RPH3A: variants seen among roughly 807,000 people sequenced by gnomAD.
The protein encoded by RPH3A is rabphilin 3A.
In RPH3A, 48 loss-of-function variants were observed where a neutral mutation model predicts 102.2. The ratio of observed to expected loss-of-function variants is 0.47; its 90% CI spans 0.37 to 0.60. The LOEUF (loss-of-function observed/expected upper bound fraction) is 0.60. Among genes scored for constraint, RPH3A ranks in the 20% least tolerant of loss-of-function variants. RPH3A has a pLI of 0.00. For synonymous variants in RPH3A, 310 were observed against 324.3 expected (o/e 0.96, Z 0.47); for missense variants, 781 against 910.1 (o/e 0.86, Z 1.83).
chr12:112,655,324 A>G (rs2040003322), intron 1 of RPH3A, among the ~76,000 whole-genome samples: 2 of 152,142 alleles, frequency 1.3e-5, no homozygotes, highest in Non-Finnish European at 2.9e-5. Context: ...CAGACGCACC[A>G]CTCACATTTT....
At chr12:112,828,170 G>A in intron 2 of RPH3A, 131 bp from the exon 3 acceptor site, 1 of 672,068 alleles carries the variant, frequency 1.5e-6, no homozygotes, top group Non-Finnish European at 2.6e-6. Flanking sequence ...TCCCCATCTG[G>A]AAAATGAAGA....
chr12:112,680,227 G>A (rs1412720106), intron 1 of RPH3A, among the ~76,000 whole-genome samples: 1 of 152,174 alleles, frequency 6.6e-6, no homozygotes, highest in African/African-American at 2.4e-5. Flanking sequence ...ATTTTTAATT[G>A]GAGAGTTTTA....
rs1016012362 is a variant in RPH3A, at chr12:112,894,618, A to T, written c.1816A>T (p.Thr606Ser). 1.9e-6 allele frequency: 3 copies of T among 1,613,868 alleles called. No homozygotes were observed. The highest frequency in any genetic ancestry group is 2.5e-6 in the Non-Finnish European group (3 of 1,179,974). ...PDMGKKAKHK[T>S]QIKKKTLNPE... ...CATGGGAAAGAAGGCCAAACACAAGACTCAAATTAAAAAGAAAACCTTGAA... is the reference window on the plus strand; with the variant it reads ...CATGGGAAAGAAGGCCAAACACAAGTCTCAAATTAAAAAGAAAACCTTGAA... The change falls in exon 20 of 22, where the codon ACT (threonine) becomes TCT (serine). Residue 606 changes from threonine to serine, a missense_variant. Around this residue, in one of 2 missense-constraint regions of RPH3A, gnomAD observed 730 missense variants for 810.0 expected, o/e 0.90. Transcript: ENST00000389385.
At chr12:112,817,583 C>T (rs900599864) in intron 2 of RPH3A, among the ~76,000 whole-genome samples, 5 of 151,528 alleles carry the variant, frequency 3.3e-5, no homozygotes, top group East Asian at 1.9e-4. Context: ...CCCCCGCACA[C>T]GCAGCCTTTT....
chr12:112,853,019 G>A (rs2042349583), intron 5 of RPH3A, among the ~76,000 whole-genome samples: 2 of 152,204 alleles, frequency 1.3e-5, no homozygotes, highest in Non-Finnish European at 2.9e-5. Flanking sequence ...TCCAGACGCC[G>A]TGATGGAGGA....
chr12:112,767,483 G>A (rs998224635), intron 1 of RPH3A, among the ~76,000 whole-genome samples: 4 of 152,218 alleles, frequency 2.6e-5, no homozygotes, highest in African/African-American at 4.8e-5. Context: ...ACACAGCTCT[G>A]CCTGACTCTG....
chr12:112,731,892 C>T (rs998753522), intron 1 of RPH3A, among the ~76,000 whole-genome samples: 2 of 152,130 alleles, frequency 1.3e-5, no homozygotes, highest in African/African-American at 2.4e-5. Flanking sequence ...GATGCCCCAC[C>T]TCCCCAAAAA....
chr12:112,646,430 G>A (rs1421539191), intron 1 of RPH3A, among the ~76,000 whole-genome samples: 1 of 152,038 alleles, frequency 6.6e-6, no homozygotes, highest in Non-Finnish European at 1.5e-5. Flanking sequence ...CTCTTTTTAA[G>A]AGCAAAAATA....
intron 6 of RPH3A, 118 bp from the exon 7 acceptor site, chr12:112,866,639 G>A (rs1294786054): frequency 2.6e-6 from 2 of 755,642 alleles, no homozygotes; most frequent in Non-Finnish European, 4.4e-6. Flanking sequence ...GAAGGAAGTG[G>A]GAGAAATGGA....
intron 5 of RPH3A, among the ~76,000 whole-genome samples, chr12:112,849,425 GTGTGTGTGTGCA>G (rs1295005791): frequency 7.0e-4 from 98 of 140,056 alleles, no homozygotes; most frequent in African/African-American, 3.2e-3. Flanking sequence ...GTGTGTGTGT[GTGTGTGTGTGCA>G]TGTGTGTGTA....
intron 1 of RPH3A, among the ~76,000 whole-genome samples, chr12:112,683,077 G>A (rs992146102): frequency 1.3e-5 from 2 of 152,158 alleles, no homozygotes; most frequent in African/African-American, 4.8e-5. Context: ...ACCACGAAGT[G>A]TATCTTATCT....
chr12:112,613,048 C>G (rs929026464), intron 1 of RPH3A, among the ~76,000 whole-genome samples: 6 of 152,178 alleles, frequency 3.9e-5, no homozygotes, highest in African/African-American at 1.4e-4. Flanking sequence ...TAGTTCTACA[C>G]TGGGTCTGTG....
chr12:112,776,799 G>A (rs1426419561), intron 1 of RPH3A, among the ~76,000 whole-genome samples: 2 of 148,296 alleles, frequency 1.3e-5, no homozygotes, highest in East Asian at 2.0e-4. Flanking sequence ...GTGTGAACCT[G>A]GGAGATGGAG....
At chr12:112,821,387 T>C (rs976701379) in intron 2 of RPH3A, among the ~76,000 whole-genome samples, 8 of 152,164 alleles carry the variant, frequency 5.3e-5, no homozygotes, top group African/African-American at 1.2e-4. Flanking sequence ...GAAGTTTACA[T>C]GGTCTTCATG....
At chr12:112,750,958 T>C (rs898294998) in intron 1 of RPH3A, among the ~76,000 whole-genome samples, 17 of 151,982 alleles carry the variant, frequency 1.1e-4, no homozygotes, top group Non-Finnish European at 1.5e-5. Flanking sequence ...TCGGGGACCA[T>C]CTTGAAACCA....
Position 112,783,057 on chromosome 12 carries a change from C to T in RPH3A, c.-139-9086C>T, listed in dbSNP as rs375608733. Among the ~76,000 whole-genome samples the T allele has an allele frequency of 2.0e-4, 31 of 152,270 alleles. No individual in the cohort carries two copies. In the South Asian group the frequency reaches 2.7e-3, roughly 13 times the overall value. On this transcript the variant is annotated intron_variant, in intron 1 of 21. Transcript: ENST00000543106. ...AGCTCATCTGCTTGCTAATCTGCTG[C>T]CTGAGAGATGGGCTCTCACCATTTC...
intron 3 of RPH3A, among the ~76,000 whole-genome samples, chr12:112,834,341 C>T (rs1249937586): frequency 6.6e-6 from 1 of 152,022 alleles, no homozygotes; most frequent in Non-Finnish European, 1.5e-5. Context: ...AATATTATTC[C>T]ATTATGTGAA....
chr12:112,887,462 C>G (rs774845298), intron 16 of RPH3A, among the ~76,000 whole-genome samples: 5 of 152,184 alleles, frequency 3.3e-5, no homozygotes, highest in African/African-American at 7.2e-5. Flanking sequence ...AAAAGAGTGG[C>G]TATCTTTGAG....
chr12:112,622,712 A>C (rs1235032993), intron 1 of RPH3A, among the ~76,000 whole-genome samples: 3 of 150,464 alleles, frequency 2.0e-5, no homozygotes, highest in Non-Finnish European at 4.5e-5. Context: ...AGAGAATGCC[A>C]CAAAGATACT....
Sources: allele counts gnomAD v4.1 joint callset (sites outside exome capture counted in the v4.1 genomes callset), GRCh38; gene constraint gnomAD v4.1.1; regional missense constraint gnomAD v4.1.1; transcripts MANE v1.5; gene names NCBI Gene and HGNC (gene_info 2026-07-23, HGNC 2026-07-21).